The following GJB7 variants were observed in gnomAD, a reference collection of about 807,000 sequenced individuals.
GJB7 encodes gap junction beta-7 protein.
For synonymous variants in GJB7, 87 were observed against 95.2 expected, an observed-to-expected ratio of 0.91 and a Z score of 0.50; for missense variants, 253 against 256.8, an observed-to-expected ratio of 0.99 and a Z score of 0.10.
At chr6:87,304,125 C>G (rs897373269) in intron 2 of GJB7, among the ~76,000 whole-genome samples, 1 of 151,948 alleles carries the variant, frequency 6.6e-6, no homozygotes, top group Non-Finnish European at 1.5e-5. Context: ...ACTAGAGAAG[C>G]AAGAGCAAAC....
At chr6:87,285,066 C>G in intron 2 of GJB7, 127 bp from the exon 3 acceptor site, 1 of 634,538 alleles carries the variant, frequency 1.6e-6, no homozygotes, top group East Asian at 2.7e-5. Context: ...GTTTAGGGCT[C>G]TCTAAGAATC....
chr6:87,305,527 G>A (rs1776410959), intron 2 of GJB7, among the ~76,000 whole-genome samples: 1 of 152,072 alleles, frequency 6.6e-6, no homozygotes, highest in South Asian at 2.1e-4. Flanking sequence ...AAATAAAAGA[G>A]GATACAAACA....
intron 2 of GJB7, among the ~76,000 whole-genome samples, chr6:87,286,551 A>T (rs1283932389): frequency 6.6e-6 from 1 of 152,128 alleles, no homozygotes; most frequent in Non-Finnish European, 1.5e-5. Flanking sequence ...ACTTCTTCGC[A>T]TCTCTTGCTC....
At chr6:87,328,832 C>T (rs986620347) in intron 1 of GJB7, among the ~76,000 whole-genome samples, 9 of 152,314 alleles carry the variant, frequency 5.9e-5, no homozygotes, top group Non-Finnish European at 1.0e-4. Context: ...TGGGCAATGG[C>T]GGGCGCCCCT....
chr6:87,303,553 C>T (rs1324296576), intron 2 of GJB7, among the ~76,000 whole-genome samples: 1 of 152,172 alleles, frequency 6.6e-6, no homozygotes, highest in Non-Finnish European at 1.5e-5. Flanking sequence ...TACAAAGAGA[C>T]TTAGACTTCC....
At chr6:87,328,161 C>G (rs374739036) in intron 1 of GJB7, among the ~76,000 whole-genome samples, 1 of 151,748 alleles carries the variant, frequency 6.6e-6, no homozygotes, top group African/African-American at 2.4e-5. Flanking sequence ...TTCTTCTAAA[C>G]TTTTTTCAAA....
At chr6:87,299,985 G>T in intron 2 of GJB7, 1 of 333,914 alleles carries the variant, frequency 3.0e-6, no homozygotes, top group Non-Finnish European at 5.9e-6. Context: ...GGTGGGACAA[G>T]TGATGTCAAA....
At chr6:87,289,737 C>T (rs1194390521) in intron 2 of GJB7, among the ~76,000 whole-genome samples, 1 of 152,198 alleles carries the variant, frequency 6.6e-6, no homozygotes, top group African/African-American at 2.4e-5. Flanking sequence ...TCTCTTATTG[C>T]AGGATGAGCT....
intron 2 of GJB7, chr6:87,299,354 AG>A (rs78497239): frequency 0.25 from 122,839 of 487,558 alleles, 17,509 homozygotes; most frequent in Admixed American, 0.4. Flanking sequence ...CTCACAGTAA[AG>A]GATGGAAAAA....
intron 2 of GJB7, among the ~76,000 whole-genome samples, chr6:87,321,309 GA>G (rs1394922717): frequency 6.6e-6 from 1 of 151,554 alleles, no homozygotes; most frequent in Non-Finnish European, 1.5e-5. Context: ...ACAGCTTTGC[GA>G]GGCCATTTCA....
chr6:87,302,599 ACT>A (rs1205109189), intron 2 of GJB7, among the ~76,000 whole-genome samples: 2 of 152,232 alleles, frequency 1.3e-5, no homozygotes, highest in African/African-American at 4.8e-5. Flanking sequence ...GTTGGAAAAC[ACT>A]CTGCAGGATA....
rs1350449236 is a variant in GJB7, at chr6:87,283,075, T to C, written c.*1166A>G. 6.6e-6 allele frequency: 1 copy of C among 151,798 alleles called. No homozygotes were observed. The highest frequency in any genetic ancestry group is 6.6e-5 in the Admixed American group (1 of 15,262). The allele number at this position is 151,798 out of a possible 1,614,324, so 9.4% of individuals were successfully genotyped here. ...ATATCTGTGAATTGCTAAGAAAATA[T>C]AGAAAAGTAAAGAAAGTTCTAGTCT... is the stretch of plus-strand genomic sequence containing the variant. On this transcript the variant is annotated 3_prime_UTR_variant, in exon 3 of 3. Transcript: ENST00000525899.
intron 1 of GJB7, among the ~76,000 whole-genome samples, chr6:87,323,627 G>C (rs1359954741): frequency 6.6e-6 from 1 of 152,014 alleles, no homozygotes; most frequent in African/African-American, 2.4e-5. Context: ...TGGCTGCATA[G>C]TATTACATGG....
chr6:87,284,939 T>G lies in GJB7; in HGVS notation c.-27A>C. 6.4e-7 allele frequency: 1 copy of G among 1,558,948 alleles called. No homozygotes were observed. Among genetic ancestry groups the G allele is most frequent in the African/African-American group, 1.4e-5 (1 of 73,164 alleles). On this transcript the variant is annotated splice_region_variant and 5_prime_UTR_variant, in exon 3 of 3. Transcript: ENST00000525899. The stretch of plus-strand genomic sequence containing the variant: ...ACTTAGGCTCAAAAGAAGGCAAGAC[T>G]CTGCAAAATAAGACAATTTCATCAG...
At chr6:87,298,336 G>T (rs1253536427) in intron 2 of GJB7, among the ~76,000 whole-genome samples, 4 of 152,196 alleles carry the variant, frequency 2.6e-5, no homozygotes, top group African/African-American at 9.7e-5. Context: ...AGCAGCACAG[G>T]CCAAGAAGTG....
At chr6:87,319,862 C>A (rs242282) in intron 2 of GJB7, among the ~76,000 whole-genome samples, 94,975 of 152,024 alleles carry the variant, frequency 0.62, 30,078 homozygotes, top group African/African-American at 0.7. Flanking sequence ...AATTTGCAAC[C>A]ACATAGATGG....
intron 2 of GJB7, among the ~76,000 whole-genome samples, chr6:87,305,475 T>G (rs1776409824): frequency 6.6e-6 from 1 of 152,162 alleles, no homozygotes; most frequent in Non-Finnish European, 1.5e-5. Context: ...ACAAGGGATG[T>G]GAAGGACCTC....
rs1424972408 is a variant in GJB7 at position 87,324,811 on chromosome 6, A to G, written c.-205-1768T>C. Among the ~76,000 whole-genome samples, 3 of 152,210 alleles carry G rather than the reference A, an allele frequency of 2.0e-5. No individual in the cohort carries two copies. The East Asian group carries it at 5.8e-4, about 29-fold the overall frequency. ...GCTTTTTCCAATTCTATGAAGAAAG[A>G]CATTGGTAGCTTGATGGGGATGGCA... On this transcript the variant is annotated intron_variant, in intron 1 of 2. Coordinates refer to ENST00000525899, the MANE Select transcript of GJB7 (RefSeq NM_198568.3).
intron 2 of GJB7, among the ~76,000 whole-genome samples, chr6:87,302,667 A>C (rs1776351985): frequency 6.6e-6 from 1 of 152,218 alleles, no homozygotes; most frequent in African/African-American, 2.4e-5. Context: ...AAATTCAGGA[A>C]ATACAGAGAA....
Sources: gnomAD v4.1 joint callset for allele counts (sites outside exome capture counted in the v4.1 genomes callset) on GRCh38, gnomAD v4.1.1 for gene constraint, MANE v1.5 for transcripts, NCBI Gene and HGNC (gene_info 2026-07-23, HGNC 2026-07-21) for gene names.